The following CFAP70 variants were observed in gnomAD, a reference collection of about 807,000 sequenced individuals.
The protein encoded by CFAP70 is cilia and flagella associated protein 70.
Under a neutral mutation model 137.6 loss-of-function variants are expected in CFAP70, and 81 were observed. The observed-to-expected ratio is 0.59, with a 90% CI of 0.49 to 0.71. CFAP70 has a LOEUF of 0.71. Ranked by LOEUF, CFAP70 falls within the 30% of genes least tolerant of loss-of-function variation. The pLI is 0.00. For synonymous variants in CFAP70, 382 were observed against 423.6 expected (o/e 0.90, Z 1.20); for missense variants, 976 against 1,226.7 (o/e 0.80, Z 3.05).
chr10:73,359,274 A>G (rs1425089487), upstream of CFAP70, among the ~76,000 whole-genome samples: 1 of 152,210 alleles, frequency 6.6e-6, no homozygotes, highest in Non-Finnish European at 1.5e-5. Flanking sequence ...AGCAAAACAC[A>G]ATAGCAATAA....
chr10:73,255,098 A>G (rs7921444), intron 26 of CFAP70, among the ~76,000 whole-genome samples: 6,450 of 152,162 alleles, frequency 0.042, 419 homozygotes, highest in African/African-American at 0.14. Flanking sequence ...CCCTGTCTCT[A>G]TGAAAAATAC....
At chr10:73,350,021 A>T (rs981312216) in intron 3 of CFAP70, among the ~76,000 whole-genome samples, 1 of 152,194 alleles carries the variant, frequency 6.6e-6, no homozygotes, top group Non-Finnish European at 1.5e-5. Flanking sequence ...TGTCCAGTTT[A>T]TATTTAACAT....
chr10:73,360,595 T>A (rs1317844279), upstream of CFAP70, among the ~76,000 whole-genome samples: 1 of 152,306 alleles, frequency 6.6e-6, no homozygotes, highest in African/African-American at 2.4e-5. Context: ...AATTTTAAAA[T>A]TTTTATTTAT....
At chr10:73,349,614 A>G (rs911418780) in intron 3 of CFAP70, among the ~76,000 whole-genome samples, 5 of 152,184 alleles carry the variant, frequency 3.3e-5, no homozygotes, top group African/African-American at 1.2e-4. Context: ...TGCCTACCAT[A>G]AGGCTTGACA....
intron 12 of CFAP70, among the ~76,000 whole-genome samples, chr10:73,307,700 C>T (rs913529343): frequency 1.3e-5 from 2 of 152,062 alleles, no homozygotes; most frequent in Admixed American, 6.6e-5. Context: ...CCCCATACAA[C>T]ATTTATAAAC....
At chr10:73,317,418 G>GA (rs1195480748) in intron 9 of CFAP70, among the ~76,000 whole-genome samples, 1 of 152,158 alleles carries the variant, frequency 6.6e-6, no homozygotes, top group Non-Finnish European at 1.5e-5. Context: ...TGTTTCAGAT[G>GA]AAAAATCAGT....
chr10:73,272,660 G>A (rs1291794365), intron 24 of CFAP70, among the ~76,000 whole-genome samples: 1 of 152,142 alleles, frequency 6.6e-6, no homozygotes, highest in African/African-American at 2.4e-5. Flanking sequence ...TATCACAAAG[G>A]AGTGTCTATA....
rs1202934438 is a variant in CFAP70 at position 73,313,325 on chromosome 10, T to G, written c.913-682A>C. On this transcript the variant is annotated intron_variant, in intron 9 of 26. Coordinates refer to ENST00000310715, the Ensembl canonical transcript of CFAP70. ...AGGCGGAGCTTGCAGTGAGCCAAGATCATGCCACTGCTCTCCAGCTTGGGC... is the reference window on the plus strand; with the variant it reads ...AGGCGGAGCTTGCAGTGAGCCAAGAGCATGCCACTGCTCTCCAGCTTGGGC... 2.9e-5 allele frequency among the ~76,000 whole-genome samples: 4 copies of G among 139,966 alleles called. No individual in the cohort carries two copies. The East Asian group carries it at 8.4e-4, about 29-fold the overall frequency. The allele number at this position is 139,966 out of a possible 152,430, so 91.8% of individuals were successfully genotyped here. A position where few individuals can be genotyped will look rare whatever the true frequency, so the allele number is the denominator to read the frequency against.
chr10:73,279,560 A>C (rs994291624), intron 19 of CFAP70, among the ~76,000 whole-genome samples: 2 of 142,014 alleles, frequency 1.4e-5, no homozygotes, highest in Non-Finnish European at 3.0e-5. Context: ...TAAATAAATA[A>C]ATAAATAAAT....
intron 25 of CFAP70, among the ~76,000 whole-genome samples, chr10:73,268,743 G>C (rs1470322244): frequency 6.6e-6 from 1 of 151,430 alleles, no homozygotes; most frequent in East Asian, 1.9e-4. Flanking sequence ...ACCCAGGTTG[G>C]AGTGCAGTGG....
intron 4 of CFAP70, among the ~76,000 whole-genome samples, chr10:73,345,897 T>C (rs578101358): frequency 3.3e-4 from 50 of 152,216 alleles, no homozygotes; most frequent in African/African-American, 1.2e-3. Flanking sequence ...TTGTCATTTT[T>C]TTAATTTTAT....
At chr10:73,273,096 G>C in intron 23 of CFAP70, 79 bp from the exon 25 acceptor site, 1 of 1,088,948 alleles carries the variant, frequency 9.2e-7, no homozygotes, top group Non-Finnish European at 1.4e-6. Flanking sequence ...TGGGATCTCT[G>C]ATAATTGCTC....
intron 19 of CFAP70, among the ~76,000 whole-genome samples, chr10:73,282,360 A>G (rs969895915): frequency 3.9e-5 from 6 of 152,008 alleles, no homozygotes; most frequent in African/African-American, 1.5e-4. Context: ...ATCACAAAAC[A>G]TGAATGTCAC....
intron 8 of CFAP70, among the ~76,000 whole-genome samples, chr10:73,324,769 G>A (rs2051229338): frequency 6.6e-6 from 1 of 152,148 alleles, no homozygotes; most frequent in Non-Finnish European, 1.5e-5. Context: ...AATGAAGTGA[G>A]AAGGGAAGTT....
chr10:73,291,213 T>G lies in CFAP70; in HGVS notation c.2239+13A>C. ...TCTAATAGCCACTCTTCACCTCTAT[T>G]CCCTGGCTCTACCTGCTGGGGCTTC... On this transcript the variant is annotated intron_variant, in intron 19 of 26. Transcript: ENST00000310715. 1 of 1,613,268 alleles carries G rather than the reference T, an allele frequency of 6.2e-7. No individual in the cohort carries two copies. The highest frequency in any genetic ancestry group is 8.5e-7 in the Non-Finnish European group (1 of 1,179,320).
intron 12 of CFAP70, among the ~76,000 whole-genome samples, chr10:73,303,205 A>C (rs758929539): frequency 3.8e-4 from 56 of 146,776 alleles, no homozygotes; most frequent in South Asian, 1.1e-3. Flanking sequence ...CCTAAGTACA[A>C]TTTTCTATTG....
In CFAP70 at chr10:73,303,013, C is replaced by T. The variant is rs1287149358; in HGVS notation, c.1257-3348G>A. On this transcript the variant is annotated intron_variant, in intron 12 of 26. Transcript: ENST00000310715. The stretch of plus-strand genomic sequence containing the variant: ...TCCTGCCTCAGCAACCCCACCGCCC[C>T]CCACCACCGGGTAGCTCGGACTACA... 5.3e-5 allele frequency among the ~76,000 whole-genome samples: 8 copies of T among 151,254 alleles called. No homozygotes were observed. In the South Asian group the frequency reaches 1.5e-3, roughly 28 times the overall value.
intron 9 of CFAP70, 107 bp downstream of exon 10, chr10:73,322,856 C>A: frequency 1.1e-6 from 1 of 931,160 alleles, no homozygotes; most frequent in Non-Finnish European, 1.5e-6. Flanking sequence ...CCTAGTATAC[C>A]AACTGGTTCT....
intron 5 of CFAP70, among the ~76,000 whole-genome samples, chr10:73,343,869 C>T (rs1220637524): frequency 1.1e-4 from 17 of 151,996 alleles, no homozygotes; most frequent in Admixed American, 9.8e-4. Context: ...AAGCAATGAC[C>T]CAAATTAAAA....
Sources: gnomAD v4.1 joint callset for allele counts (sites outside exome capture counted in the v4.1 genomes callset) on GRCh38, gnomAD v4.1.1 for gene constraint, MANE v1.5 for transcripts, NCBI Gene and HGNC (gene_info 2026-07-23, HGNC 2026-07-21) for gene names.